ANKRD30BL: variants seen among roughly 807,000 people sequenced by gnomAD.
The protein encoded by ANKRD30BL is putative ankyrin repeat domain-containing protein 30B-like.
In ANKRD30BL, 20 loss-of-function variants were observed where a neutral mutation model predicts 18.4. That is an observed-to-expected ratio of 1.09 (90% CI 0.77 to 1.58). The LOEUF (loss-of-function observed/expected upper bound fraction) is 1.58, where lower values mean the gene tolerates loss of function less well. ANKRD30BL is among the 40% of genes most tolerant of loss of function. The pLI, the probability that ANKRD30BL is intolerant of heterozygous loss-of-function variation, is 0.00. For synonymous variants in ANKRD30BL, 72 were observed against 100.9 expected (o/e 0.71, Z 1.72); for missense variants, 224 against 268.6 (o/e 0.83, Z 1.16).
chr2:132,235,479 T>C (rs200887164), intron 1 of ANKRD30BL, among the ~76,000 whole-genome samples: 14 of 152,090 alleles, frequency 9.2e-5, no homozygotes, highest in African/African-American at 1.2e-4. Flanking sequence ...TGATAAGCAA[T>C]TTCAGCAAAG....
At chr2:132,184,521 AT>A (rs1272885446) in intron 1 of ANKRD30BL, among the ~76,000 whole-genome samples, 3 of 152,268 alleles carry the variant, frequency 2.0e-5, no homozygotes, top group Admixed American at 2.0e-4. Context: ...GCAGCATTTA[AT>A]ATCAACAAGA....
chr2:132,203,219 T>A (rs62161723), intron 1 of ANKRD30BL, among the ~76,000 whole-genome samples: 3 of 150,424 alleles, frequency 2.0e-5, no homozygotes, highest in Non-Finnish European at 3.0e-5. Flanking sequence ...ACACACAAGT[T>A]CAAGGAGCTT....
chr2:132,152,188 C>A (rs1457057532), intron 4 of ANKRD30BL: 1 of 152,224 alleles, frequency 6.6e-6, no homozygotes, highest in African/African-American at 2.4e-5. Flanking sequence ...CTTTGACTCA[C>A]ACCATTTCCT....
At chr2:132,215,023 C>T (rs908466732) in intron 1 of ANKRD30BL, among the ~76,000 whole-genome samples, 7 of 151,952 alleles carry the variant, frequency 4.6e-5, no homozygotes, top group African/African-American at 1.7e-4. Flanking sequence ...CCCATAAAAA[C>T]TAGATATAAT....
At chr2:132,241,594 T>C (rs563194628) in intron 1 of ANKRD30BL, among the ~76,000 whole-genome samples, 1 of 151,998 alleles carries the variant, frequency 6.6e-6, no homozygotes, top group South Asian at 2.1e-4. Flanking sequence ...GAAGCTTTCT[T>C]TTGATACAGC....
chr2:132,246,208 T>C (rs1358756408), intron 1 of ANKRD30BL, among the ~76,000 whole-genome samples: 1 of 151,970 alleles, frequency 6.6e-6, no homozygotes, highest in Admixed American at 6.6e-5. Context: ...AACATTCCTT[T>C]TCATAGAGCA....
chr2:132,221,613 C>T (rs1679687419), intron 1 of ANKRD30BL, among the ~76,000 whole-genome samples: 1 of 130,532 alleles, frequency 7.7e-6, no homozygotes, highest in South Asian at 2.3e-4. Flanking sequence ...AGCCCCCCGC[C>T]CGGCCAGCCG....
intron 1 of ANKRD30BL, among the ~76,000 whole-genome samples, chr2:132,198,513 C>T (rs529616851): frequency 6.8e-4 from 103 of 151,448 alleles, no homozygotes; most frequent in African/African-American, 2.3e-3. Context: ...TCAGTAGAGA[C>T]GGGGTTTCAC....
upstream of ANKRD30BL, among the ~76,000 whole-genome samples, chr2:132,164,314 T>C (rs186755776): frequency 4.0e-4 from 59 of 149,078 alleles, 1 homozygote; most frequent in South Asian, 7.6e-3. Flanking sequence ...TCTGCTCTTC[T>C]TGCCTTCTTG....
chr2:132,178,737 G>A (rs1573819065), intron 1 of ANKRD30BL, among the ~76,000 whole-genome samples: 1 of 151,856 alleles, frequency 6.6e-6, no homozygotes, highest in Admixed American at 6.6e-5. Context: ...AAGACTGTAT[G>A]GCAAACTTTG....
At chr2:132,169,472 C>T (rs1185530983) in intron 1 of ANKRD30BL, among the ~76,000 whole-genome samples, 1 of 152,082 alleles carries the variant, frequency 6.6e-6, no homozygotes, top group African/African-American at 2.4e-5. Context: ...CATGGTGAAA[C>T]CCCATCTCTA....
intron 1 of ANKRD30BL, among the ~76,000 whole-genome samples, chr2:132,217,068 A>G (rs76272704): frequency 6.6e-6 from 1 of 150,794 alleles, no homozygotes; most frequent in Non-Finnish European, 1.5e-5. Flanking sequence ...GCTCTTTGAG[A>G]CCTATGGTGG....
intron 1 of ANKRD30BL, among the ~76,000 whole-genome samples, chr2:132,254,805 G>A (rs76058384): frequency 1.3e-5 from 2 of 152,200 alleles, no homozygotes; most frequent in African/African-American, 4.8e-5. Context: ...CACATAACTA[G>A]TTGGCATGCC....
chr2:132,155,083 A>G (rs895664484), intron 3 of ANKRD30BL: 2 of 188,840 alleles, frequency 1.1e-5, no homozygotes, highest in African/African-American at 4.7e-5. Flanking sequence ...ACCCTAAGAC[A>G]TAGTAGTAAA....
intron 1 of ANKRD30BL, among the ~76,000 whole-genome samples, chr2:132,190,041 C>T (rs1466885353): frequency 5.3e-5 from 8 of 151,846 alleles, no homozygotes; most frequent in Admixed American, 3.3e-4. Flanking sequence ...TCTGCTTGCT[C>T]AGTTGTAAAA....
intron 1 of ANKRD30BL, among the ~76,000 whole-genome samples, chr2:132,226,359 A>T (rs1343316008): frequency 6.7e-6 from 1 of 150,280 alleles, no homozygotes; most frequent in East Asian, 1.9e-4. Context: ...ATCTTCACAT[A>T]AAAACTAGAC....
chr2:132,173,214 A>T (rs1230836383), intron 1 of ANKRD30BL, among the ~76,000 whole-genome samples: 1 of 151,372 alleles, frequency 6.6e-6, no homozygotes, highest in African/African-American at 2.4e-5. Flanking sequence ...TTTGTATATT[A>T]TGTAAGTTAA....
At chr2:132,249,315 A>G (rs1410667088) in intron 1 of ANKRD30BL, among the ~76,000 whole-genome samples, 1 of 152,130 alleles carries the variant, frequency 6.6e-6, no homozygotes, top group African/African-American at 2.4e-5. Context: ...CTTTTTCACC[A>G]TAAGCCTGAA....
intron 1 of ANKRD30BL, among the ~76,000 whole-genome samples, chr2:132,245,262 G>A (rs1191782831): frequency 5.3e-5 from 8 of 152,132 alleles, no homozygotes; most frequent in South Asian, 2.1e-4. Flanking sequence ...TGCTGTAAAC[G>A]GGAATATCTT....
Sources: allele counts gnomAD v4.1 joint callset (sites outside exome capture counted in the v4.1 genomes callset), GRCh38; gene constraint gnomAD v4.1.1; transcripts MANE v1.5; gene names NCBI Gene and HGNC (gene_info 2026-07-23, HGNC 2026-07-21).